ZMIZ1: variants seen among roughly 807,000 people sequenced by gnomAD.
ZMIZ1 encodes the protein zinc finger MIZ domain-containing protein 1.
In ZMIZ1, 17 loss-of-function variants were observed where a neutral mutation model predicts 113.9. The ratio of observed to expected loss-of-function variants is 0.15; its 90% CI spans 0.10 to 0.22. The LOEUF (loss-of-function observed/expected upper bound fraction) is 0.22, where lower values mean the gene tolerates loss of function less well. Ranked by LOEUF, ZMIZ1 falls within the 10% of genes least tolerant of loss-of-function variation. ZMIZ1 has a pLI of 1.00. For synonymous variants in ZMIZ1, 607 were observed against 603.1 expected (o/e 1.01, Z -0.09); for missense variants, 1,059 against 1,477.8 (o/e 0.72, Z 4.65).
intron 1 of ZMIZ1, among the ~76,000 whole-genome samples, chr10:79,110,449 A>AT (rs2132291925): frequency 6.6e-6 from 1 of 152,344 alleles, no homozygotes; most frequent in African/African-American, 2.4e-5. Flanking sequence ...CTTGATGTCC[A>AT]TCCGTCCCAC....
intron 2 of ZMIZ1, among the ~76,000 whole-genome samples, chr10:79,120,440 A>T (rs1844242125): frequency 6.6e-6 from 1 of 152,212 alleles, no homozygotes; most frequent in Admixed American, 6.5e-5. Flanking sequence ...ATGGCTCTGC[A>T]TCGGCAAAAG....
At chr10:79,182,003 C>T (rs1353436710) in intron 4 of ZMIZ1, among the ~76,000 whole-genome samples, 3 of 152,222 alleles carry the variant, frequency 2.0e-5, no homozygotes, top group African/African-American at 7.2e-5. Flanking sequence ...AGGACTCACC[C>T]AGTGCCAAGC....
At chr10:79,242,985 G>A (rs951912788) in intron 7 of ZMIZ1, among the ~76,000 whole-genome samples, 1 of 151,014 alleles carries the variant, frequency 6.6e-6, no homozygotes, top group Admixed American at 6.6e-5. Flanking sequence ...TGCGGGCGGC[G>A]GGCTGGGGGG....
At chr10:79,233,131 G>C (rs946221903) in intron 7 of ZMIZ1, among the ~76,000 whole-genome samples, 2 of 152,176 alleles carry the variant, frequency 1.3e-5, no homozygotes, top group Non-Finnish European at 2.9e-5. Context: ...GGGGGGTGTG[G>C]GCTCCCCTTG....
chr10:79,284,124 C>T (rs1204228537), intron 8 of ZMIZ1, among the ~76,000 whole-genome samples: 1 of 151,970 alleles, frequency 6.6e-6, no homozygotes, highest in Non-Finnish European at 1.5e-5. Context: ...ATAGCGGGTG[C>T]ACAGGAGCCA....
rs1844136151 is a variant in ZMIZ1, at chr10:79,118,105, A to G, written c.-336-810A>G. Among the ~76,000 whole-genome samples, 1 of 152,030 alleles carries G rather than the reference A, an allele frequency of 6.6e-6. No individual in the cohort carries two copies. Among genetic ancestry groups the G allele is most frequent in the Non-Finnish European group, 1.5e-5 (1 of 67,998 alleles). ...AGCCTTGCCTTTCACCATGGGAGGA[A>G]CCCTTTCCCTCTCAGGGCCTCAGTT... is the stretch of plus-strand genomic sequence containing the variant. On this transcript the variant is annotated intron_variant, in intron 1 of 24. Coordinates refer to ENST00000334512, the MANE Select transcript of ZMIZ1 (RefSeq NM_020338.4). The surrounding 1 kb of genome is among the most constrained non-coding windows in gnomAD (Gnocchi z 4.1).
intron 23 of ZMIZ1, among the ~76,000 whole-genome samples, chr10:79,310,052 T>A (rs953661578): frequency 1.3e-5 from 2 of 152,154 alleles, no homozygotes; most frequent in African/African-American, 4.8e-5. Flanking sequence ...CAGTTTTCAG[T>A]GCACGTGCCC....
At chr10:79,307,856 G>A (rs554669078) in intron 23 of ZMIZ1, among the ~76,000 whole-genome samples, 5 of 151,990 alleles carry the variant, frequency 3.3e-5, no homozygotes, top group Admixed American at 6.6e-5. Context: ...GCATGCACTC[G>A]CCACTACCCA....
intron 3 of ZMIZ1, 93 bp downstream of exon 3, chr10:79,139,870 G>T: frequency 7.5e-6 from 3 of 398,550 alleles, no homozygotes; most frequent in South Asian, 2.6e-4. Context: ...GCTGTGGCTG[G>T]ACCAGAGCTG....
chr10:79,231,486 T>C (rs1396766957), intron 7 of ZMIZ1, among the ~76,000 whole-genome samples: 2 of 151,960 alleles, frequency 1.3e-5, no homozygotes, highest in African/African-American at 4.8e-5. Context: ...TCAGGTGATC[T>C]GCCCGCCTCG....
intron 4 of ZMIZ1, among the ~76,000 whole-genome samples, chr10:79,183,315 A>G (rs577447102): frequency 1.3e-5 from 2 of 152,192 alleles, no homozygotes; most frequent in Admixed American, 1.3e-4. Context: ...AATCAGCTGC[A>G]TGCACACCCG....
At chr10:79,145,894 G>A (rs368012650) in intron 3 of ZMIZ1, among the ~76,000 whole-genome samples, 38 of 152,228 alleles carry the variant, frequency 2.5e-4, no homozygotes, top group Middle Eastern at 6.8e-3. Context: ...TTTTATTAGA[G>A]ACAAGGTCTC....
At chr10:79,215,653 TA>T (rs1848694003) in intron 6 of ZMIZ1, among the ~76,000 whole-genome samples, 1 of 152,078 alleles carries the variant, frequency 6.6e-6, no homozygotes, top group African/African-American at 2.4e-5. Flanking sequence ...GGGCTGGGCC[TA>T]AGAGTCTGCA....
intron 5 of ZMIZ1, among the ~76,000 whole-genome samples, chr10:79,202,392 C>G (rs1026356398): frequency 6.6e-6 from 1 of 151,372 alleles, no homozygotes; most frequent in Admixed American, 6.6e-5. Flanking sequence ...TCACTTGAAG[C>G]CAAGAATTTG....
At chr10:79,309,923 G>A (rs891637149) in intron 23 of ZMIZ1, among the ~76,000 whole-genome samples, 9 of 152,178 alleles carry the variant, frequency 5.9e-5, no homozygotes, top group African/African-American at 1.9e-4. Flanking sequence ...CTTGCAGTGG[G>A]ATCAGGGCTT....
At chr10:79,175,772 CCA>C (rs904171409) in intron 4 of ZMIZ1, among the ~76,000 whole-genome samples, 2 of 151,974 alleles carry the variant, frequency 1.3e-5, no homozygotes, top group African/African-American at 4.8e-5. Flanking sequence ...CAACCTGCAG[CCA>C]CAGTGTGGAG....
intron 1 of ZMIZ1, among the ~76,000 whole-genome samples, chr10:79,075,589 ACACC>A (rs1454194187): frequency 6.6e-6 from 1 of 151,224 alleles, no homozygotes; most frequent in Non-Finnish European, 1.5e-5. Context: ...GCACACATGC[ACACC>A]TGCACACATG....
At chr10:79,283,632 A>G (rs1852881308) in intron 8 of ZMIZ1, among the ~76,000 whole-genome samples, 1 of 152,216 alleles carries the variant, frequency 6.6e-6, no homozygotes, top group Non-Finnish European at 1.5e-5. Flanking sequence ...TGCCCCAAGA[A>G]CATTTTAAAA....
intron 22 of ZMIZ1, among the ~76,000 whole-genome samples, chr10:79,306,731 C>T (rs570229497): frequency 4.6e-5 from 7 of 152,328 alleles, no homozygotes; most frequent in African/African-American, 1.7e-4. Context: ...CTGGCCCTTA[C>T]GCTCCCGGCT....
Sources: allele counts gnomAD v4.1 joint callset (sites outside exome capture counted in the v4.1 genomes callset), GRCh38; gene constraint gnomAD v4.1.1; non-coding constraint Gnocchi (gnomAD v3.1); transcripts MANE v1.5; gene names NCBI Gene and HGNC (gene_info 2026-07-23, HGNC 2026-07-21).